Variants in PPP3R1 observed in about 807,000 individuals in gnomAD.
PPP3R1 encodes the protein calcineurin subunit B type 1.
PPP3R1 carries 5 observed loss-of-function variants against 22.6 expected under a neutral mutation model. The observed-to-expected ratio is 0.22, with a 90% CI of 0.12 to 0.46. PPP3R1 has a LOEUF of 0.46. PPP3R1 is among the 20% of genes least tolerant of loss of function. The pLI, the probability that PPP3R1 is intolerant of heterozygous loss-of-function variation, is 0.99. For synonymous variants in PPP3R1, 56 were observed against 65.2 expected (o/e 0.86, Z 0.68); for missense variants, 61 against 203.2 (o/e 0.30, Z 4.25).
chr2:68,207,201 A>G (rs1305759031), intron 2 of PPP3R1, among the ~76,000 whole-genome samples: 1 of 142,034 alleles, frequency 7.0e-6, no homozygotes, highest in African/African-American at 2.7e-5. Flanking sequence ...AAATTGATCC[A>G]AATAGTCAGG....
intron 1 of PPP3R1, among the ~76,000 whole-genome samples, chr2:68,217,642 A>G (rs1332621367): frequency 6.6e-6 from 1 of 152,158 alleles, no homozygotes; most frequent in Non-Finnish European, 1.5e-5. Flanking sequence ...AACTAAAATA[A>G]GAAAAACATT....
At chr2:68,250,298 A>C (rs886845760) in intron 1 of PPP3R1, among the ~76,000 whole-genome samples, 2 of 152,212 alleles carry the variant, frequency 1.3e-5, no homozygotes, top group African/African-American at 4.8e-5. Flanking sequence ...GTTAACAGGA[A>C]AATAAGAAAT....
chr2:68,245,568 G>T (rs1397950803), intron 1 of PPP3R1, among the ~76,000 whole-genome samples: 1 of 152,074 alleles, frequency 6.6e-6, no homozygotes. Flanking sequence ...ACTAGGTTGG[G>T]TCATCCTTCA....
intron 1 of PPP3R1, among the ~76,000 whole-genome samples, chr2:68,246,303 G>C (rs989559694): frequency 6.6e-6 from 1 of 151,650 alleles, no homozygotes; most frequent in Admixed American, 6.6e-5. Flanking sequence ...TCTAACTCCC[G>C]ACCTCATGAT....
intron 1 of PPP3R1, among the ~76,000 whole-genome samples, chr2:68,218,645 A>T (rs867339698): frequency 6.6e-6 from 1 of 150,414 alleles, no homozygotes; most frequent in Non-Finnish European, 1.5e-5. Flanking sequence ...ATTCCACTCC[A>T]CCTTAAAGTT....
Position 68,229,845 on chromosome 2 carries a change from G to A in PPP3R1, c.4-12714C>T, listed in dbSNP as rs115780228. ...GTAATGTCTTTAATTGATTCTGCCA[G>A]TATGTTTAATTGGTGTGTGTGTGTG... is the stretch of plus-strand genomic sequence containing the variant. On this transcript the variant is annotated intron_variant, in intron 1 of 5. Transcript: ENST00000234310. Among the ~76,000 whole-genome samples the A allele has an allele frequency of 4.2e-3, 645 of 151,852 alleles. 2 individuals carry two copies. Among genetic ancestry groups the A allele is most frequent in the African/African-American group, 0.015 (630 of 41,368 alleles).
At chr2:68,227,817 T>G (rs1456126753) in intron 1 of PPP3R1, among the ~76,000 whole-genome samples, 2 of 152,194 alleles carry the variant, frequency 1.3e-5, no homozygotes, top group African/African-American at 2.4e-5. Context: ...TGTGTTTATC[T>G]TGTATTGTGC....
chr2:68,224,660 C>T (rs1411319493), intron 1 of PPP3R1, among the ~76,000 whole-genome samples: 1 of 146,372 alleles, frequency 6.8e-6, no homozygotes, highest in Non-Finnish European at 1.5e-5. Flanking sequence ...CAAGACTCGT[C>T]TCAGGAAAAA....
intron 5 of PPP3R1, among the ~76,000 whole-genome samples, chr2:68,183,235 T>C (rs925401439): frequency 1.3e-5 from 2 of 152,250 alleles, no homozygotes; most frequent in African/African-American, 2.4e-5. Flanking sequence ...TCCCTCAGAA[T>C]TGCACAGGCA....
intron 1 of PPP3R1, among the ~76,000 whole-genome samples, chr2:68,235,700 T>C (rs1670007105): frequency 6.6e-6 from 1 of 152,216 alleles, no homozygotes; most frequent in African/African-American, 2.4e-5. Context: ...ACATGTTTCA[T>C]TTCTTTTAGG....
chr2:68,181,235 T>C (rs1475855417), intron 5 of PPP3R1, among the ~76,000 whole-genome samples: 1 of 151,800 alleles, frequency 6.6e-6, no homozygotes, highest in East Asian at 1.9e-4. Context: ...ACTAAAAAAA[T>C]ACAAAAACTT....
intron 5 of PPP3R1, among the ~76,000 whole-genome samples, chr2:68,181,594 CTTT>C (rs35684152): frequency 2.2e-5 from 3 of 137,756 alleles, no homozygotes; most frequent in Non-Finnish European, 3.1e-5. Flanking sequence ...TCACATTTTC[CTTT>C]TTTTTTTTTT....
chr2:68,244,798 C>A (rs2103813469), intron 1 of PPP3R1, among the ~76,000 whole-genome samples: 1 of 152,180 alleles, frequency 6.6e-6, no homozygotes, highest in Non-Finnish European at 1.5e-5. Context: ...CCTTCAATGT[C>A]CGATAAGCAC....
At chr2:68,191,347 A>G (rs2103727265) in intron 2 of PPP3R1, among the ~76,000 whole-genome samples, 1 of 152,336 alleles carries the variant, frequency 6.6e-6, no homozygotes, top group East Asian at 1.9e-4. Flanking sequence ...TTGTAACACA[A>G]TGCTAAATAT....
chr2:68,202,792 ATTTTTTTTTTTTTTTT>A (rs71395958), intron 2 of PPP3R1, among the ~76,000 whole-genome samples: 3 of 81,228 alleles, frequency 3.7e-5, no homozygotes, highest in African/African-American at 1.9e-4. Context: ...AGTTCAGGGA[ATTTTTTTTTTTTTTTT>A]TTTTTTTTTT....
At chr2:68,234,459 A>G (rs533654572) in intron 1 of PPP3R1, among the ~76,000 whole-genome samples, 2 of 152,356 alleles carry the variant, frequency 1.3e-5, no homozygotes, top group Non-Finnish European at 2.9e-5. Context: ...AACATATCAT[A>G]AAGCCGCAGC....
At chr2:68,202,026 T>G (rs554958348) in intron 2 of PPP3R1, among the ~76,000 whole-genome samples, 1 of 152,248 alleles carries the variant, frequency 6.6e-6, no homozygotes, top group African/African-American at 2.4e-5. Context: ...AAAGAGAAAT[T>G]TCTCCTTTTA....
At chr2:68,241,718 C>T (rs1424635196) in intron 1 of PPP3R1, among the ~76,000 whole-genome samples, 4 of 152,054 alleles carry the variant, frequency 2.6e-5, no homozygotes, top group Non-Finnish European at 5.9e-5. Flanking sequence ...GAGGCACATG[C>T]CTGTAATCCC....
chr2:68,197,467 TTAA>T (rs971965872), intron 2 of PPP3R1, among the ~76,000 whole-genome samples: 1 of 147,510 alleles, frequency 6.8e-6, no homozygotes, highest in African/African-American at 2.4e-5. Context: ...ACTATAAATA[TTAA>T]TGTGTATTTC....
Sources: allele counts gnomAD v4.1 joint callset (sites outside exome capture counted in the v4.1 genomes callset), GRCh38; gene constraint gnomAD v4.1.1; transcripts MANE v1.5; gene names NCBI Gene and HGNC (gene_info 2026-07-23, HGNC 2026-07-21).